HS6ST2: variants seen among roughly 807,000 people sequenced by gnomAD.
HS6ST2 encodes heparan-sulfate 6-O-sulfotransferase 2.
A neutral mutation model predicts 33.0 loss-of-function variants in HS6ST2; 17 were observed. The observed-to-expected ratio is 0.52, with a 90% CI of 0.35 to 0.77. The LOEUF (loss-of-function observed/expected upper bound fraction) is 0.77. HS6ST2 is among the 30% of genes least tolerant of loss of function. The pLI, the probability that HS6ST2 is intolerant of heterozygous loss-of-function variation, is 0.01. For missense variants in HS6ST2, 519 were observed against 551.7 expected (o/e 0.94, Z 0.59); for synonymous variants, 248 against 237.1 (o/e 1.05, Z -0.42).
At chrX:132,682,654 T>C (rs2063981731) in intron 3 of HS6ST2, among the ~76,000 whole-genome samples, 2 of 109,204 alleles carry the variant, frequency 1.8e-5, no homozygotes, top group African/African-American at 3.4e-5. Flanking sequence ...TTTTTTTTTT[T>C]CAGAGCAGTT....
intron 3 of HS6ST2, among the ~76,000 whole-genome samples, chrX:132,678,159 G>C (rs1235413377): frequency 9.0e-6 from 1 of 111,709 alleles, no homozygotes; most frequent in Non-Finnish European, 1.9e-5. Context: ...TCCAAGACCA[G>C]CTTGGGCAAC....
At chrX:132,946,816 T>C (rs2066962142) in intron 2 of HS6ST2, among the ~76,000 whole-genome samples, 4 of 111,686 alleles carry the variant, frequency 3.6e-5, no homozygotes, top group Non-Finnish European at 7.5e-5. Flanking sequence ...TGAGAAAATA[T>C]ATAATATGCT....
In HS6ST2 at chrX:132,772,019, C is replaced by T. The variant is rs1439688708; in HGVS notation, c.948-63525G>A. On this transcript the variant is annotated intron_variant, in intron 2 of 4. Transcript: ENST00000370833. ...GAAATGTTACTTATGGTGTCTTAAA[C>T]TATGTGTTCTATAAATGGTAAATTG... Among the ~76,000 whole-genome samples, 6 of 111,470 alleles carry T rather than the reference C, an allele frequency of 5.4e-5. No individual in the cohort carries two copies. The East Asian group carries it at 1.7e-3, about 31-fold the overall frequency.
chrX:132,802,584 T>G (rs1173728735), intron 2 of HS6ST2, among the ~76,000 whole-genome samples: 1 of 111,106 alleles, frequency 9.0e-6, no homozygotes, highest in African/African-American at 3.3e-5. Context: ...AGATGACTCG[T>G]GGCTAAACTT....
Position 132,759,679 on chromosome X carries a change from T to TA in HS6ST2, c.948-51186dup, listed in dbSNP as rs201495874. On this transcript the variant is annotated intron_variant, in intron 2 of 4. Transcript: ENST00000370833. ...TTATGTTATGTGAATTTCACCCCAA[T>TA]AAAAAAAAGCAAACAATTTGGCAAT... is the stretch of plus-strand genomic sequence containing the variant. Among the ~76,000 whole-genome samples, 339 of 110,879 alleles carry TA rather than the reference T, an allele frequency of 3.1e-3. 1 individual carries two copies. Among genetic ancestry groups the TA allele is most frequent in the African/African-American group, 0.011 (323 of 30,476 alleles).
At chrX:132,792,181 T>C (rs1030468996) in intron 2 of HS6ST2, among the ~76,000 whole-genome samples, 6 of 112,410 alleles carry the variant, frequency 5.3e-5, no homozygotes, top group African/African-American at 1.9e-4. Context: ...GTCCTGATCC[T>C]CAATGATAGA....
intron 1 of HS6ST2, among the ~76,000 whole-genome samples, chrX:132,957,936 C>T (rs2067104098): frequency 8.9e-6 from 1 of 112,116 alleles, no homozygotes; most frequent in African/African-American, 3.2e-5. Flanking sequence ...GGGAATGAGC[C>T]GGCCGGCAGC....
intron 2 of HS6ST2, among the ~76,000 whole-genome samples, chrX:132,839,336 A>C (rs867886344): frequency 2.0e-4 from 20 of 98,836 alleles, no homozygotes; most frequent in South Asian, 5.0e-4. Flanking sequence ...GTATGTATAT[A>C]CACACACACA....
At chrX:132,854,601 T>C (rs1260551155) in intron 2 of HS6ST2, among the ~76,000 whole-genome samples, 1 of 112,753 alleles carries the variant, frequency 8.9e-6, no homozygotes, top group Non-Finnish European at 1.9e-5. Flanking sequence ...ATATTTGTGG[T>C]CCTTTCCAAT....
chrX:132,802,597 G>C (rs1358609469), intron 2 of HS6ST2, among the ~76,000 whole-genome samples: 3 of 111,009 alleles, frequency 2.7e-5, no homozygotes, highest in Non-Finnish European at 5.7e-5. Flanking sequence ...CTAAACTTCT[G>C]GGGGAGCTAA....
At chrX:132,899,656 C>G (rs1426008484) in intron 2 of HS6ST2, among the ~76,000 whole-genome samples, 1 of 111,519 alleles carries the variant, frequency 9.0e-6, no homozygotes, top group African/African-American at 3.3e-5. Context: ...GGAAACACCA[C>G]AGGGTTCAAT....
rs761058437 is a variant in HS6ST2 at position 132,881,875 on chromosome X, A to G, written c.947+74933T>C. Among the ~76,000 whole-genome samples, 4 of 112,075 alleles carry G rather than the reference A, an allele frequency of 3.6e-5. No individual in the cohort carries two copies. In the East Asian group the frequency reaches 1.1e-3, roughly 31 times the overall value. ...CAGTTTTCCCAACAGCATTTATTAA[A>G]TAGGGAATCCCTTCCCCATTTCTGG... On this transcript the variant is annotated intron_variant, in intron 2 of 4. Transcript: ENST00000370833.
intron 3 of HS6ST2, among the ~76,000 whole-genome samples, chrX:132,704,543 A>G (rs1159366324): frequency 9.0e-6 from 1 of 111,344 alleles, no homozygotes; most frequent in Non-Finnish European, 1.9e-5. Context: ...AACAAGAGCG[A>G]AAAAAACTCG....
In HS6ST2 at chrX:132,627,121, C is replaced by T. The variant is rs757583631; in HGVS notation, c.*1102G>A. ...ATAGTTGGCCCAACTGGAAACATTA[C>T]AATAGAGATGTACAAAAAGTAAGTA... On this transcript the variant is annotated 3_prime_UTR_variant, in exon 5 of 5. Coordinates refer to ENST00000370833, the MANE Select transcript of HS6ST2 (RefSeq NM_001394073.1). The T allele has an allele frequency of 4.5e-5, 5 of 112,329 alleles. No individual in the cohort carries two copies. The East Asian group carries it at 1.4e-3, about 31-fold the overall frequency. The allele number at this position is 112,329 out of a possible 1,213,427, so 9.3% of individuals were successfully genotyped here. A position where few individuals can be genotyped will look rare whatever the true frequency, so the allele number is the denominator to read the frequency against.
At chrX:132,698,561 T>C (rs1376046744) in intron 3 of HS6ST2, among the ~76,000 whole-genome samples, 1 of 111,802 alleles carries the variant, frequency 8.9e-6, no homozygotes. Context: ...CTCAAAAATA[T>C]TACAGTAATT....
intron 2 of HS6ST2, among the ~76,000 whole-genome samples, chrX:132,746,299 G>A (rs1319256385): frequency 4.5e-5 from 5 of 110,802 alleles, no homozygotes; most frequent in Admixed American, 1.9e-4. Context: ...TCAGGAGATC[G>A]AGACCATCCT....
At chrX:132,632,523 T>C (rs1281114140) in intron 4 of HS6ST2, among the ~76,000 whole-genome samples, 2 of 110,282 alleles carry the variant, frequency 1.8e-5, no homozygotes, top group Admixed American at 1.9e-4. Context: ...AACAGAGACA[T>C]GGCCAGTTTT....
intron 3 of HS6ST2, among the ~76,000 whole-genome samples, chrX:132,670,906 G>A (rs1451948786): frequency 8.9e-6 from 1 of 112,627 alleles, no homozygotes; most frequent in Non-Finnish European, 1.9e-5. Flanking sequence ...TGCTGCTGGA[G>A]TGGATGGCTC....
intron 2 of HS6ST2, among the ~76,000 whole-genome samples, chrX:132,792,321 C>T (rs1311408851): frequency 3.6e-5 from 4 of 111,865 alleles, no homozygotes. Flanking sequence ...ATTAGAACTT[C>T]AAAAACTAGG....
Sources: allele counts gnomAD v4.1 joint callset (sites outside exome capture counted in the v4.1 genomes callset), GRCh38; gene constraint gnomAD v4.1.1; transcripts MANE v1.5; gene names NCBI Gene and HGNC (gene_info 2026-07-23, HGNC 2026-07-21).